MAP2K1: variants seen among roughly 807,000 people sequenced by gnomAD.
MAP2K1 encodes the protein dual specificity mitogen-activated protein kinase kinase 1.
A neutral mutation model predicts 46.3 loss-of-function variants in MAP2K1; 16 were observed. That is an observed-to-expected ratio of 0.35 (90% CI 0.23 to 0.52). The LOEUF (loss-of-function observed/expected upper bound fraction) is 0.52. Ranked by LOEUF, MAP2K1 falls within the 20% of genes least tolerant of loss-of-function variation. The probability of loss-of-function intolerance (pLI) is 0.94; values close to 1 mark genes in which losing one functional copy is unlikely to be tolerated. For synonymous variants in MAP2K1, 183 were observed against 185.6 expected, an observed-to-expected ratio of 0.99 and a Z score of 0.11; for missense variants, 263 against 497.1, an observed-to-expected ratio of 0.53 and a Z score of 4.48.
intron 5 of MAP2K1, among the ~76,000 whole-genome samples, chr15:66,462,246 A>G (rs1892341139): frequency 6.6e-6 from 1 of 152,138 alleles, no homozygotes; most frequent in Non-Finnish European, 1.5e-5. Context: ...TCACACCTGT[A>G]ATCCCAGCAC....
rs766207567 is a variant in MAP2K1, at chr15:66,443,261, C to A, written c.439-19C>A. On this transcript the variant is annotated intron_variant, in intron 3 of 10. Coordinates refer to ENST00000307102, the MANE Select transcript of MAP2K1 (RefSeq NM_002755.4). ...AGTTAGAACATTGTCACTAACTGGTCTGGTATTCTCGATCTTAGGATGGAG... is the reference window on the plus strand; with the variant it reads ...AGTTAGAACATTGTCACTAACTGGTATGGTATTCTCGATCTTAGGATGGAG... 6.6e-5 allele frequency: 99 copies of A among 1,496,762 alleles called. No individual in the cohort carries two copies. The Middle Eastern group carries it at 1.4e-3, about 21-fold the overall frequency. 92.7% of individuals were successfully genotyped at this position (1,496,762 alleles called of 1,614,324 possible).
chr15:66,397,653 A>C (rs1412329433), intron 1 of MAP2K1, among the ~76,000 whole-genome samples: 2 of 152,212 alleles, frequency 1.3e-5, no homozygotes, highest in African/African-American at 4.8e-5. Context: ...TGTCCTTCAA[A>C]TCTAGCCCAA....
intron 9 of MAP2K1, 131 bp from the exon 10 acceptor site, chr15:66,489,587 G>A (rs1330064203): frequency 1.2e-6 from 1 of 811,342 alleles, no homozygotes; most frequent in Admixed American, 1.7e-5. Context: ...ACTGTGCTTA[G>A]AACAGGAGGA....
At chr15:66,433,132 T>C (rs1308675362) in intron 1 of MAP2K1, among the ~76,000 whole-genome samples, 3 of 152,118 alleles carry the variant, frequency 2.0e-5, no homozygotes, top group Non-Finnish European at 4.4e-5. Flanking sequence ...CTCAGTAAGC[T>C]CCTTTGTGGG....
At chr15:66,407,828 C>A (rs770074006) in intron 1 of MAP2K1, among the ~76,000 whole-genome samples, 3 of 152,132 alleles carry the variant, frequency 2.0e-5, no homozygotes, top group Non-Finnish European at 2.9e-5. Flanking sequence ...GCCAACAGAG[C>A]AAGACTTCGT....
chr15:66,429,679 G>GC (rs141960613), intron 1 of MAP2K1, among the ~76,000 whole-genome samples: 2,001 of 18,606 alleles, frequency 0.11, 207 homozygotes, highest in African/African-American at 0.18. Flanking sequence ...CCCCCCCCCC[G>GC]TCCCCCCCAA....
chr15:66,490,636 A>AGCGAGTCCCCTGCCCG lies in MAP2K1; in HGVS notation c.*23_*38dup. ...TCTAAGTGTTTGGGAAGCAACAAAG[A>AGCGAGTCCCCTGCCCG]GCGAGTCCCCTGCCCGGTGGTTTGC... On this transcript the variant is annotated 3_prime_UTR_variant, in exon 11 of 11. Coordinates refer to ENST00000307102, the MANE Select transcript of MAP2K1 (RefSeq NM_002755.4). 1 of 1,590,692 alleles carries AGCGAGTCCCCTGCCCG rather than the reference A, an allele frequency of 6.3e-7. No homozygotes were observed. Among genetic ancestry groups the AGCGAGTCCCCTGCCCG allele is most frequent in the Non-Finnish European group, 8.6e-7 (1 of 1,158,674 alleles).
chr15:66,414,781 C>CTTT (rs79790588), intron 1 of MAP2K1, among the ~76,000 whole-genome samples: 4 of 141,556 alleles, frequency 2.8e-5, no homozygotes, highest in African/African-American at 1.0e-4. Flanking sequence ...CATCCTGTGT[C>CTTT]TTTTTTTTTT....
In MAP2K1 at chr15:66,487,264, T is replaced by C. The variant is rs777224813; in HGVS notation, c.932T>C (p.Phe311Ser). Residue 311 changes from phenylalanine to serine, a missense_variant, in exon 8 of 11, where the codon TTT becomes TCT. This residue lies in a region of MAP2K1 where 118 missense variants were observed against 193.0 expected (regional missense o/e 0.61). Transcript: ENST00000307102. The part of the protein sequence containing the change: ...GMDSRPPMAI[F>S]ELLDYIVNEP... ...GACAGCCGACCTCCCATGGCAATTT[T>C]TGAGTTGTTGGATTACATAGTCAAC... 1 of 1,614,220 alleles carries C rather than the reference T, an allele frequency of 6.2e-7. No individual in the cohort carries two copies. The highest frequency in any genetic ancestry group is 1.1e-5 in the South Asian group (1 of 91,078).
chr15:66,427,326 G>A (rs1487783389), intron 1 of MAP2K1, among the ~76,000 whole-genome samples: 1 of 152,144 alleles, frequency 6.6e-6, no homozygotes, highest in Admixed American at 6.5e-5. Flanking sequence ...TTAGGAGGCC[G>A]AGGCGGGCAG....
chr15:66,483,033 C>T (rs1001323300), intron 6 of MAP2K1, among the ~76,000 whole-genome samples: 3 of 152,160 alleles, frequency 2.0e-5, no homozygotes, highest in Non-Finnish European at 4.4e-5. Context: ...GATTATTGTT[C>T]CCATTTTAGA....
intron 3 of MAP2K1, among the ~76,000 whole-genome samples, chr15:66,442,279 C>T (rs2093506288): frequency 6.6e-6 from 1 of 152,178 alleles, no homozygotes; most frequent in Non-Finnish European, 1.5e-5. Flanking sequence ...GGGTTCTGGT[C>T]ACAGCCGGCC....
intron 1 of MAP2K1, among the ~76,000 whole-genome samples, chr15:66,411,493 A>G (rs1327300264): frequency 7.2e-5 from 11 of 152,164 alleles, no homozygotes. Flanking sequence ...AAATCTTTTT[A>G]TCTGCTTCTT....
chr15:66,432,075 C>T (rs1298638218), intron 1 of MAP2K1, among the ~76,000 whole-genome samples: 1 of 152,166 alleles, frequency 6.6e-6, no homozygotes, highest in Non-Finnish European at 1.5e-5. Flanking sequence ...GAGGAGAAAT[C>T]TGAAATGTGG....
At chr15:66,472,576 C>G (rs990507568) in intron 5 of MAP2K1, among the ~76,000 whole-genome samples, 7 of 152,162 alleles carry the variant, frequency 4.6e-5, no homozygotes, top group Non-Finnish European at 7.3e-5. Flanking sequence ...GGGGGCTGCC[C>G]TGTAGCCAGG....
intron 5 of MAP2K1, among the ~76,000 whole-genome samples, chr15:66,481,240 G>A (rs1892907389): frequency 6.6e-6 from 1 of 152,120 alleles, no homozygotes; most frequent in Admixed American, 6.6e-5. Flanking sequence ...ACACATATTT[G>A]TAAGAAAAAG....
At chr15:66,482,602 G>C (rs927697661) in intron 6 of MAP2K1, among the ~76,000 whole-genome samples, 1 of 152,174 alleles carries the variant, frequency 6.6e-6, no homozygotes, top group Non-Finnish European at 1.5e-5. Context: ...CAGCACCAGC[G>C]TGTTTTCTTC....
chr15:66,420,827 ATG>A (rs2093438468), intron 1 of MAP2K1, among the ~76,000 whole-genome samples: 1 of 70,288 alleles, frequency 1.4e-5, no homozygotes, highest in African/African-American at 3.8e-5. Context: ...GTATATATAT[ATG>A]TGTATATATA....
intron 5 of MAP2K1, among the ~76,000 whole-genome samples, chr15:66,467,330 A>T (rs934235701): frequency 6.6e-6 from 1 of 152,202 alleles, no homozygotes; most frequent in African/African-American, 2.4e-5. Context: ...CTAATCTCCA[A>T]GCTGTCCTTG....
Sources: gnomAD v4.1 joint callset for allele counts (sites outside exome capture counted in the v4.1 genomes callset) on GRCh38, gnomAD v4.1.1 for gene constraint, gnomAD v4.1.1 regional missense constraint, MANE v1.5 for transcripts, NCBI Gene and HGNC (gene_info 2026-07-23, HGNC 2026-07-21) for gene names.